The following ANKS1B variants were observed in gnomAD, a reference collection of about 807,000 sequenced individuals.
ANKS1B encodes ankyrin repeat and sterile alpha motif domain containing 1B.
In ANKS1B, 36 loss-of-function variants were observed where a neutral mutation model predicts 148.3. That is an observed-to-expected ratio of 0.24 (90% CI 0.19 to 0.32). ANKS1B has a LOEUF of 0.32. ANKS1B is among the 10% of genes least tolerant of loss of function. The probability of loss-of-function intolerance (pLI) is 1.00; values close to 1 mark genes in which losing one functional copy is unlikely to be tolerated. For missense variants in ANKS1B, 1,157 were observed against 1,542.6 expected (o/e 0.75, Z 4.19); for synonymous variants, 542 against 560.8 (o/e 0.97, Z 0.47).
At chr12:98,896,486 TCTTTTC>T (rs1047810388) in intron 17 of ANKS1B, among the ~76,000 whole-genome samples, 20 of 152,228 alleles carry the variant, frequency 1.3e-4, no homozygotes, top group Non-Finnish European at 2.6e-4. Flanking sequence ...GGAAGAACAT[TCTTTTC>T]CTTAAACAGG....
At chr12:99,178,708 A>G (rs2078718419) in intron 14 of ANKS1B, among the ~76,000 whole-genome samples, 1 of 152,212 alleles carries the variant, frequency 6.6e-6, no homozygotes, top group South Asian at 2.1e-4. Context: ...TTCATTGAAA[A>G]TAACTTTATA....
intron 15 of ANKS1B, among the ~76,000 whole-genome samples, chr12:99,146,256 A>G (rs529921704): frequency 1.3e-5 from 2 of 152,222 alleles, no homozygotes; most frequent in Non-Finnish European, 2.9e-5. Flanking sequence ...GGGGATGGGG[A>G]AGCAGACATC....
At chr12:98,973,534 G>A (rs2099885488) in intron 17 of ANKS1B, among the ~76,000 whole-genome samples, 1 of 152,134 alleles carries the variant, frequency 6.6e-6, no homozygotes, top group Non-Finnish European at 1.5e-5. Flanking sequence ...GTTTTAAAAT[G>A]GATGTCCTTC....
At chr12:99,588,866 A>G (rs2097670663) in intron 9 of ANKS1B, among the ~76,000 whole-genome samples, 1 of 152,252 alleles carries the variant, frequency 6.6e-6, no homozygotes, top group Admixed American at 6.5e-5. Context: ...ATCATATTTT[A>G]GAAATATTAA....
Position 98,762,764 on chromosome 12 carries a change from T to C in ANKS1B, c.3579+10278A>G, listed in dbSNP as rs116586943. On this transcript the variant is annotated intron_variant, in intron 25 of 26. Coordinates refer to ENST00000683438, the MANE Select transcript of ANKS1B (RefSeq NM_001352186.2). ...ACAATACCTTGGGCACAGCCCTACT[T>C]ACCACGTGGTATTTATTATGATTTT... Among the ~76,000 whole-genome samples the C allele has an allele frequency of 5.9e-3, 906 of 152,308 alleles. 5 individuals are homozygous for C. Among genetic ancestry groups the C allele is most frequent in the African/African-American group, 0.021 (869 of 41,580 alleles).
chr12:99,495,754 T>C (rs1334836194), intron 10 of ANKS1B, among the ~76,000 whole-genome samples: 1 of 152,244 alleles, frequency 6.6e-6, no homozygotes, highest in South Asian at 2.1e-4. Context: ...ACAGAAATCA[T>C]GTTGACACTA....
At chr12:99,440,846 G>A (rs932673291) in intron 11 of ANKS1B, among the ~76,000 whole-genome samples, 47 of 151,766 alleles carry the variant, frequency 3.1e-4, no homozygotes, top group African/African-American at 1.1e-3. Flanking sequence ...AAGAGGCAAA[G>A]GAAAAGGAAC....
At chr12:99,364,689 T>C (rs1012651057) in intron 12 of ANKS1B, among the ~76,000 whole-genome samples, 2 of 152,170 alleles carry the variant, frequency 1.3e-5, no homozygotes, top group African/African-American at 4.8e-5. Context: ...ATGTGAATGA[T>C]GGTTTGTTTT....
intron 14 of ANKS1B, among the ~76,000 whole-genome samples, chr12:99,203,646 T>C (rs1047845774): frequency 6.6e-6 from 1 of 151,972 alleles, no homozygotes; most frequent in Non-Finnish European, 1.5e-5. Flanking sequence ...AGAGATGGGG[T>C]TTCACTGTGT....
intron 9 of ANKS1B, among the ~76,000 whole-genome samples, chr12:99,638,365 T>TA (rs2098264808): frequency 6.6e-6 from 1 of 152,086 alleles, no homozygotes; most frequent in Non-Finnish European, 1.5e-5. Context: ...AAAATGTTGA[T>TA]AGTGATGGAC....
At chr12:99,870,572 C>T (rs978370681) in intron 1 of ANKS1B, among the ~76,000 whole-genome samples, 1 of 152,160 alleles carries the variant, frequency 6.6e-6, no homozygotes, top group African/African-American at 2.4e-5. Flanking sequence ...CCCTTTTCTC[C>T]ACAGCCTTGC....
At chr12:99,245,250 A>T (rs1045889527) in intron 13 of ANKS1B, among the ~76,000 whole-genome samples, 1 of 152,084 alleles carries the variant, frequency 6.6e-6, no homozygotes, top group African/African-American at 2.4e-5. Flanking sequence ...TAATTATAAG[A>T]TCTAAGTTAA....
chr12:99,654,928 CT>C, intron 9 of ANKS1B, 138 bp downstream of exon 9: 1 of 944,962 alleles, frequency 1.1e-6, no homozygotes, highest in African/African-American at 1.6e-5. Context: ...TTACTTGACA[CT>C]TTGAGAAAAA....
intron 8 of ANKS1B, among the ~76,000 whole-genome samples, chr12:99,766,384 T>C (rs1039510391): frequency 6.6e-6 from 1 of 152,302 alleles, no homozygotes; most frequent in African/African-American, 2.4e-5. Flanking sequence ...AAAATGACTC[T>C]TTTATTCTAC....
intron 9 of ANKS1B, among the ~76,000 whole-genome samples, chr12:99,566,175 G>A (rs76899491): frequency 0.057 from 8,689 of 152,166 alleles, 353 homozygotes; most frequent in East Asian, 0.23. Context: ...TTTCAGTCAC[G>A]TAATCCTAAT....
In ANKS1B at chr12:99,244,349, C is replaced by A. The variant is rs759070307; in HGVS notation, c.2412G>T (p.Glu804Asp). Residue 804 changes from glutamate to aspartate, a missense_variant, in exon 14 of 27, where the codon GAG becomes GAT. Coordinates refer to ENST00000683438, the MANE Select transcript of ANKS1B (RefSeq NM_001352186.2). ...INNELKEMNGETTRPRCPVQT... is the reference protein window; with the variant it reads ...INNELKEMNGDTTRPRCPVQT... The stretch of plus-strand genomic sequence containing the variant: ...AGAGGAAGGTTGCCTTACTTGTGGT[C>A]TCACCATTCATCTCTTTAAGTTCGT... 1.2e-6 allele frequency: 2 copies of A among 1,604,610 alleles called. No homozygotes were observed.
chr12:99,092,887 G>T (rs2054550551), intron 15 of ANKS1B, among the ~76,000 whole-genome samples: 1 of 152,204 alleles, frequency 6.6e-6, no homozygotes, highest in South Asian at 2.1e-4. Context: ...TGTAACATAG[G>T]TGGTATTATT....
intron 1 of ANKS1B, among the ~76,000 whole-genome samples, chr12:99,847,733 T>C (rs1467262397): frequency 6.6e-6 from 1 of 152,214 alleles, no homozygotes; most frequent in Non-Finnish European, 1.5e-5. Flanking sequence ...AAATCTGTTA[T>C]TCTTTTTTCT....
At chr12:98,906,017 G>A (rs80028007) in intron 17 of ANKS1B, among the ~76,000 whole-genome samples, 4,097 of 152,246 alleles carry the variant, frequency 0.027, 107 homozygotes, top group East Asian at 0.12. Flanking sequence ...GAATGGAAAT[G>A]ACTGAGTAGA....
Sources: gnomAD v4.1 joint callset for allele counts (sites outside exome capture counted in the v4.1 genomes callset) on GRCh38, gnomAD v4.1.1 for gene constraint, MANE v1.5 for transcripts, NCBI Gene and HGNC (gene_info 2026-07-23, HGNC 2026-07-21) for gene names.